The following TMEM128 variants were observed in gnomAD, a reference collection of about 807,000 sequenced individuals.
TMEM128 encodes the protein transmembrane protein 128.
In TMEM128, 16 loss-of-function variants were observed where a neutral mutation model predicts 19.7. That is an observed-to-expected ratio of 0.81 (90% CI 0.55 to 1.23). The LOEUF (loss-of-function observed/expected upper bound fraction) is 1.23, where lower values mean the gene tolerates loss of function less well. Ranked by LOEUF, TMEM128 falls within the 50% of genes most tolerant of loss-of-function variation. The pLI is 0.00. For missense variants in TMEM128, 237 were observed against 200.8 expected (o/e 1.18, Z -1.09); for synonymous variants, 98 against 75.8 (o/e 1.29, Z -1.52).
intron 2 of TMEM128, among the ~76,000 whole-genome samples, chr4:4,240,770 C>T (rs943633633): frequency 3.3e-5 from 5 of 152,214 alleles, no homozygotes; most frequent in Admixed American, 3.3e-4. Flanking sequence ...CATGACAATG[C>T]ATTTTCTTTA....
At chr4:4,244,246 T>C (rs1577198073) in intron 2 of TMEM128, among the ~76,000 whole-genome samples, 1 of 152,130 alleles carries the variant, frequency 6.6e-6, no homozygotes, top group East Asian at 1.9e-4. Context: ...GAAGTCAAGG[T>C]GGGAGGATCA....
At chr4:4,247,111 C>A (rs1455833298) in intron 1 of TMEM128, among the ~76,000 whole-genome samples, 1 of 152,160 alleles carries the variant, frequency 6.6e-6, no homozygotes, top group Non-Finnish European at 1.5e-5. Context: ...AAAGTGGAAA[C>A]GGCACACCAG....
chr4:4,240,180 GA>G lies in TMEM128; in HGVS notation c.398+140del, dbSNP rs1326422723. On this transcript the variant is annotated intron_variant, in intron 3 of 4. Transcript: ENST00000382753. ...GGAGAAAGAGATACTAATCAAAAGG[GA>G]ACCAGAGAGCATGAATGACCAGGAG... The G allele has an allele frequency of 5.1e-5, 38 of 749,282 alleles. No individual in the cohort carries two copies. The East Asian group carries it at 9.8e-4, about 19-fold the overall frequency. 46.4% of individuals were successfully genotyped at this position (749,282 alleles called of 1,614,324 possible). A position where few individuals can be genotyped will look rare whatever the true frequency, so the allele number is the denominator to read the frequency against.
At chr4:4,247,524 A>G (rs1464608946) in intron 1 of TMEM128, 2 of 1,606,456 alleles carry the variant, frequency 1.2e-6, no homozygotes, top group African/African-American at 1.3e-5. Flanking sequence ...AATCCCCAGA[A>G]GCAACCACCA....
chr4:4,236,561 G>A (rs1052260166), intron 4 of TMEM128, among the ~76,000 whole-genome samples: 7 of 152,172 alleles, frequency 4.6e-5, no homozygotes, highest in South Asian at 2.1e-4. Context: ...GGATTCCTCC[G>A]GGCCCAAAGC....
rs540254475 is a variant in TMEM128, at chr4:4,247,741, C to T, written c.97+365G>A. Reference sequence around the variant, plus strand: ...ACTTAAACAGCTTTCTGCTGACGGGCAAGGCAGATATTTCCAGTAATTCGC... The same window carrying T: ...ACTTAAACAGCTTTCTGCTGACGGGTAAGGCAGATATTTCCAGTAATTCGC... On this transcript the variant is annotated intron_variant, in intron 1 of 4. Transcript: ENST00000382753. 7 of 1,571,564 alleles carry T rather than the reference C, an allele frequency of 4.5e-6. No homozygotes were observed. The East Asian group carries it at 1.6e-4, about 36-fold the overall frequency.
rs1283799060 is a variant in TMEM128 at position 4,247,902 on chromosome 4, A to C, written c.97+204T>G. ...AATCGCTATTTCCAAATAGGTGTCA[A>C]ATCAGCTCTCCAGAGAATTCTGAAG... On this transcript the variant is annotated intron_variant, in intron 1 of 4. Transcript: ENST00000382753. The C allele has an allele frequency of 2.1e-6, 3 of 1,430,626 alleles. No homozygotes were observed. In the African/African-American group the frequency reaches 4.3e-5, roughly 21 times the overall value. 88.6% of individuals were successfully genotyped at this position (1,430,626 alleles called of 1,614,324 possible). A position where few individuals can be genotyped will look rare whatever the true frequency, so the allele number is the denominator to read the frequency against.
At chr4:4,246,033 A>G (rs1718155288) in intron 2 of TMEM128, among the ~76,000 whole-genome samples, 169 bp downstream of exon 2, 2 of 152,174 alleles carry the variant, frequency 1.3e-5, no homozygotes, top group Admixed American at 6.5e-5. Flanking sequence ...ATAACTAAAA[A>G]TATGTACCCT....
rs1222255483 is a variant in TMEM128, at chr4:4,246,244, A to G, written c.197T>C (p.Val66Ala). ...ILASIVVTYY[V>A]DFFKTLKENF... Reference sequence around the variant, plus strand: ...TTCTTTAAGGGTTTTAAAGAAGTCAACATAATAGGTCACAACAATGGATGC... The same window carrying G: ...TTCTTTAAGGGTTTTAAAGAAGTCAGCATAATAGGTCACAACAATGGATGC... The change falls in exon 2 of 5, where the codon GTT becomes GCT. Residue 66 changes from valine to alanine, a missense_variant. Val to Ala is a moderately conservative substitution (Grantham distance 64). Transcript: ENST00000382753. 1 of 1,612,724 alleles carries G rather than the reference A, an allele frequency of 6.2e-7. No individual in the cohort carries two copies. Among genetic ancestry groups the G allele is most frequent in the South Asian group, 1.1e-5 (1 of 90,584 alleles).
rs755894982 is a variant in TMEM128, at chr4:4,246,250, T to C, written c.191A>G (p.Tyr64Cys). 1.9e-6 allele frequency: 3 copies of C among 1,612,738 alleles called. No individual in the cohort carries two copies. The highest frequency in any genetic ancestry group is 3.3e-5 in the Admixed American group (2 of 59,750). Residue 64 changes from tyrosine to cysteine, a missense_variant, in exon 2 of 5, where the codon TAT (tyrosine) becomes TGT (cysteine). Physicochemically the swap from Tyr to Cys is radical, Grantham distance 194. Transcript: ENST00000382753. The stretch of plus-strand genomic sequence containing the variant: ...AAGGGTTTTAAAGAAGTCAACATAA[T>C]AGGTCACAACAATGGATGCCAAAAT... ...FWILASIVVT[Y>C]YVDFFKTLKE... is the part of the protein sequence containing the mutation.
intron 2 of TMEM128, among the ~76,000 whole-genome samples, chr4:4,243,221 A>C (rs1171860562): frequency 6.6e-6 from 1 of 152,126 alleles, no homozygotes; most frequent in African/African-American, 2.4e-5. Flanking sequence ...CTGGGACTAC[A>C]GGCGCCCGCC....
intron 2 of TMEM128, among the ~76,000 whole-genome samples, chr4:4,244,191 T>A (rs1718073796): frequency 6.6e-6 from 1 of 152,062 alleles, no homozygotes; most frequent in South Asian, 2.1e-4. Flanking sequence ...ACCCATCCCC[T>A]CCAGCCAGGT....
intron 2 of TMEM128, among the ~76,000 whole-genome samples, chr4:4,242,111 T>C (rs1056920258): frequency 2.6e-5 from 4 of 152,090 alleles, no homozygotes; most frequent in South Asian, 2.1e-4. Context: ...CATGTCCATA[T>C]TGGCCAGGCT....
intron 3 of TMEM128, among the ~76,000 whole-genome samples, chr4:4,239,502 C>G (rs370525459): frequency 6.6e-6 from 1 of 152,148 alleles, no homozygotes; most frequent in African/African-American, 2.4e-5. Flanking sequence ...GTCAAAGGTA[C>G]GTACATCCAA....
At chr4:4,242,135 T>C (rs62286917) in intron 2 of TMEM128, among the ~76,000 whole-genome samples, 37,291 of 152,100 alleles carry the variant, frequency 0.25, 6,116 homozygotes, top group Non-Finnish European at 0.36. Context: ...CTCGAATTCC[T>C]GACCTCAAGT....
At position 4,235,940 on chromosome 4, in the gene TMEM128, A is replaced by G. The variant is rs1469272626; in HGVS notation, c.*326T>C. On this transcript the variant is annotated 3_prime_UTR_variant, in exon 5 of 5. Coordinates refer to ENST00000382753, the MANE Select transcript of TMEM128 (RefSeq NM_001297551.2). ...GCAAAATAGTACTTCTGTATCACTGACTTCTGAAAATTTTAATAATTTATG... is the reference window on the plus strand; with the variant it reads ...GCAAAATAGTACTTCTGTATCACTGGCTTCTGAAAATTTTAATAATTTATG... 1 of 152,386 alleles carries G rather than the reference A, an allele frequency of 6.6e-6. No homozygotes were observed. The highest frequency in any genetic ancestry group is 1.5e-5 in the Non-Finnish European group (1 of 68,048). The allele number at this position is 152,386 out of a possible 1,614,324, so 9.4% of individuals were successfully genotyped here. A position where few individuals can be genotyped will look rare whatever the true frequency, so the allele number is the denominator to read the frequency against.
chr4:4,243,049 G>C (rs7662769), intron 2 of TMEM128, among the ~76,000 whole-genome samples: 47,029 of 151,930 alleles, frequency 0.31, 7,892 homozygotes, highest in East Asian at 0.46. Flanking sequence ...GATTTCTAAA[G>C]CATCACAGTG....
chr4:4,240,860 C>T (rs2916473), intron 2 of TMEM128, among the ~76,000 whole-genome samples: 17,522 of 152,236 alleles, frequency 0.12, 2,577 homozygotes, highest in African/African-American at 0.33. Context: ...GGTGGATCAC[C>T]TGAGGTCAGG....
chr4:4,247,272 G>T (rs1400410192), intron 1 of TMEM128, among the ~76,000 whole-genome samples: 1 of 152,066 alleles, frequency 6.6e-6, no homozygotes, highest in Non-Finnish European at 1.5e-5. Context: ...TGCCCTCTAG[G>T]TTCACGTGAG....
Sources: allele counts gnomAD v4.1 joint callset (sites outside exome capture counted in the v4.1 genomes callset), GRCh38; gene constraint gnomAD v4.1.1; transcripts MANE v1.5; gene names NCBI Gene and HGNC (gene_info 2026-07-23, HGNC 2026-07-21).